The following ROBO1 variants were observed in gnomAD, a reference collection of about 807,000 sequenced individuals.
ROBO1 encodes roundabout homolog 1.
A neutral mutation model predicts 195.9 loss-of-function variants in ROBO1; 149 were observed. The observed-to-expected ratio is 0.76, with a 90% CI of 0.67 to 0.87. The LOEUF is 0.87. ROBO1 is among the 40% of genes least tolerant of loss of function. The pLI, the probability that ROBO1 is intolerant of heterozygous loss-of-function variation, is 0.00. For missense variants in ROBO1, 1,933 were observed against 2,068.3 expected (o/e 0.93, Z 1.27); for synonymous variants, 816 against 733.2 (o/e 1.11, Z -1.82).
intron 1 of ROBO1, among the ~76,000 whole-genome samples, chr3:79,746,268 G>A (rs1490902495): frequency 6.6e-6 from 1 of 151,936 alleles, no homozygotes; most frequent in Non-Finnish European, 1.5e-5. Context: ...AAAATACTGA[G>A]ATTTTGGAGA....
At chr3:79,196,274 C>CT (rs555402658) in intron 2 of ROBO1, among the ~76,000 whole-genome samples, 4,119 of 111,528 alleles carry the variant, frequency 0.037, 122 homozygotes, top group African/African-American at 0.09. Context: ...AGAAGAGTTT[C>CT]TTTTTTTTTT....
chr3:78,904,553 T>A (rs2037775733), intron 4 of ROBO1, among the ~76,000 whole-genome samples: 1 of 151,946 alleles, frequency 6.6e-6, no homozygotes, highest in East Asian at 1.9e-4. Context: ...GAATTGGGGC[T>A]GGATAAATAA....
At chr3:79,473,331 G>C (rs1938382629) in intron 2 of ROBO1, among the ~76,000 whole-genome samples, 1 of 152,198 alleles carries the variant, frequency 6.6e-6, no homozygotes, top group East Asian at 1.9e-4. Flanking sequence ...AACTAGGAGA[G>C]AGCCATGAAG....
At chr3:79,670,462 G>A (rs1946600449) in intron 1 of ROBO1, among the ~76,000 whole-genome samples, 1 of 151,814 alleles carries the variant, frequency 6.6e-6, no homozygotes, top group African/African-American at 2.4e-5. Context: ...GTTAACTGGT[G>A]ATTGATGGCA....
chr3:78,773,257 T>C (rs1408300341), intron 4 of ROBO1, among the ~76,000 whole-genome samples: 4 of 152,098 alleles, frequency 2.6e-5, no homozygotes, highest in Non-Finnish European at 5.9e-5. Flanking sequence ...ATACAAACCA[T>C]ATTGGTTTAA....
intron 17 of ROBO1, among the ~76,000 whole-genome samples, chr3:78,658,182 T>C (rs1440486347): frequency 6.6e-6 from 1 of 152,220 alleles, no homozygotes; most frequent in Non-Finnish European, 1.5e-5. Flanking sequence ...ACTAACAGAT[T>C]CATCAGTGAG....
intron 1 of ROBO1, among the ~76,000 whole-genome samples, chr3:79,747,871 T>C (rs996908441): frequency 1.3e-5 from 2 of 152,004 alleles, no homozygotes; most frequent in Admixed American, 6.6e-5. Flanking sequence ...ATAACACCAC[T>C]ATAAAGAGAA....
chr3:79,122,019 T>G (rs1266625649), intron 3 of ROBO1, among the ~76,000 whole-genome samples: 3 of 152,022 alleles, frequency 2.0e-5, no homozygotes, highest in African/African-American at 7.2e-5. Flanking sequence ...ATTCTTAGAT[T>G]TATTACTTAA....
intron 3 of ROBO1, chr3:79,019,151 T>C (rs775326774): frequency 7.1e-6 from 7 of 986,284 alleles, no homozygotes; most frequent in Non-Finnish European, 6.0e-6. Context: ...CCGCGGACAC[T>C]CGCACGTCTT....
intron 2 of ROBO1, among the ~76,000 whole-genome samples, chr3:79,439,414 TA>T (rs1251691933): frequency 1.3e-5 from 2 of 152,160 alleles, no homozygotes; most frequent in Admixed American, 1.3e-4. Context: ...AAGACAAAAG[TA>T]ATTTAAATAA....
intron 3 of ROBO1, among the ~76,000 whole-genome samples, chr3:79,009,579 C>G (rs1208327347): frequency 6.6e-6 from 1 of 152,164 alleles, no homozygotes; most frequent in Non-Finnish European, 1.5e-5. Context: ...ATTCCCAAAA[C>G]CAACTGCATT....
chr3:79,622,435 C>T (rs1439954862), intron 1 of ROBO1, among the ~76,000 whole-genome samples: 1 of 152,180 alleles, frequency 6.6e-6, no homozygotes, highest in East Asian at 1.9e-4. Context: ...ACACTGAGCT[C>T]CCTGGTCAGG....
chr3:78,617,491 A>C (rs1704178126), intron 27 of ROBO1, 144 bp downstream of exon 27: 1 of 706,342 alleles, frequency 1.4e-6, no homozygotes, highest in Admixed American at 3.8e-5. Context: ...TTGGACTGTC[A>C]TTTCCTTAGG....
chr3:79,126,522 T>A (rs2080218520), intron 2 of ROBO1, among the ~76,000 whole-genome samples: 1 of 152,172 alleles, frequency 6.6e-6, no homozygotes, highest in South Asian at 2.1e-4. Flanking sequence ...GTATGAGCAG[T>A]GTTTATAGGT....
chr3:79,030,629 G>A (rs2078278624), intron 3 of ROBO1, among the ~76,000 whole-genome samples: 2 of 152,120 alleles, frequency 1.3e-5, no homozygotes, highest in African/African-American at 4.8e-5. Flanking sequence ...ATTACTAAAT[G>A]CTTATACATC....
At chr3:78,651,665 G>A in intron 19 of ROBO1, 67 bp downstream of exon 19, 1 of 1,252,864 alleles carries the variant, frequency 8.0e-7, no homozygotes, top group South Asian at 1.7e-5. Context: ...TGAATAATTT[G>A]GAATCAAATA....
chr3:78,784,763 T>A (rs1559852943), intron 4 of ROBO1, among the ~76,000 whole-genome samples: 2 of 152,190 alleles, frequency 1.3e-5, no homozygotes, highest in Non-Finnish European at 2.9e-5. Context: ...TATTGTTATG[T>A]CTTCATTCTT....
chr3:79,450,131 A>G (rs2039393440), intron 2 of ROBO1, among the ~76,000 whole-genome samples: 1 of 151,990 alleles, frequency 6.6e-6, no homozygotes, highest in Non-Finnish European at 1.5e-5. Flanking sequence ...AATGAAAAAA[A>G]AAAAAAAGAC....
At chr3:79,304,767 A>G (rs1338466003) in intron 2 of ROBO1, among the ~76,000 whole-genome samples, 4 of 152,142 alleles carry the variant, frequency 2.6e-5, no homozygotes, top group Non-Finnish European at 5.9e-5. Context: ...TTAGATTTGC[A>G]TTATTATAAT....
Sources: gnomAD v4.1 joint callset for allele counts (sites outside exome capture counted in the v4.1 genomes callset) on GRCh38, gnomAD v4.1.1 for gene constraint, MANE v1.5 for transcripts, NCBI Gene and HGNC (gene_info 2026-07-23, HGNC 2026-07-21) for gene names.